Variants in MDGA2 observed in about 807,000 individuals in gnomAD.
The protein encoded by MDGA2 is MAM domain containing glycosylphosphatidylinositol anchor 2.
In MDGA2, 40 loss-of-function variants were observed where a neutral mutation model predicts 117.8. The observed-to-expected ratio is 0.34, with a 90% confidence interval of 0.26 to 0.44. The LOEUF (loss-of-function observed/expected upper bound fraction) is 0.44. Among genes scored for constraint, MDGA2 ranks in the 20% least tolerant of loss-of-function variants. The pLI is 1.00. For missense variants in MDGA2, 1,123 were observed against 1,250.6 expected (o/e 0.90, Z 1.54); for synonymous variants, 452 against 439.0 (o/e 1.03, Z -0.37).
At position 47,459,454 on chromosome 14, in the gene MDGA2, G is replaced by A. The variant is rs144643269; in HGVS notation, c.281-157904C>T. On this transcript the variant is annotated intron_variant, in intron 1 of 16. Coordinates refer to ENST00000399232, the MANE Select transcript of MDGA2 (RefSeq NM_001113498.3). ...TGAGAGATAGATTTTTCAATCAGTCGTCTTCCTTCCATCTTTTCCTTTCCC... is the reference window on the plus strand; with the variant it reads ...TGAGAGATAGATTTTTCAATCAGTCATCTTCCTTCCATCTTTTCCTTTCCC... Among the ~76,000 whole-genome samples the A allele has an allele frequency of 3.9e-3, 580 of 149,392 alleles. 5 individuals carry two copies. The highest frequency in any genetic ancestry group is 0.014 in the African/African-American group (555 of 40,588).
intron 5 of MDGA2, among the ~76,000 whole-genome samples, chr14:47,107,060 C>T (rs1182720407): frequency 7.7e-6 from 1 of 130,316 alleles, no homozygotes; most frequent in Non-Finnish European, 1.6e-5. Flanking sequence ...CCTCTTCTAT[C>T]CCCCCACCTT....
chr14:47,089,467 C>T (rs1419910549), intron 6 of MDGA2, among the ~76,000 whole-genome samples: 1 of 152,070 alleles, frequency 6.6e-6, no homozygotes, highest in African/African-American at 2.4e-5. Flanking sequence ...CCTCCACCTC[C>T]TGGGTTCAAG....
intron 6 of MDGA2, among the ~76,000 whole-genome samples, chr14:47,083,252 A>C (rs575007779): frequency 6.6e-6 from 1 of 152,146 alleles, no homozygotes; most frequent in East Asian, 1.9e-4. Context: ...CACAATAAAC[A>C]CACAAAAAAT....
chr14:47,196,513 C>T (rs1885293369), intron 3 of MDGA2, among the ~76,000 whole-genome samples: 1 of 152,124 alleles, frequency 6.6e-6, no homozygotes, highest in South Asian at 2.1e-4. Context: ...AACATCAGGT[C>T]TTACAAGCTA....
chr14:46,917,318 C>T (rs1239318375), intron 10 of MDGA2, among the ~76,000 whole-genome samples: 3 of 152,154 alleles, frequency 2.0e-5, no homozygotes, highest in Admixed American at 6.5e-5. Context: ...CTGTATACAA[C>T]ACTGACAGAT....
At chr14:47,073,707 C>G (rs1305540697) in intron 6 of MDGA2, among the ~76,000 whole-genome samples, 1 of 152,062 alleles carries the variant, frequency 6.6e-6, no homozygotes, top group East Asian at 1.9e-4. Flanking sequence ...CCTGAGAATT[C>G]GGGGATAAAA....
chr14:47,172,595 G>C (rs923281832), intron 3 of MDGA2, among the ~76,000 whole-genome samples: 45 of 152,308 alleles, frequency 3.0e-4, no homozygotes, highest in African/African-American at 9.9e-4. Flanking sequence ...GGTCCTGTCT[G>C]TTAGAAGGAA....
intron 5 of MDGA2, among the ~76,000 whole-genome samples, chr14:47,111,717 G>A (rs969087886): frequency 1.3e-5 from 2 of 152,128 alleles, no homozygotes; most frequent in Non-Finnish European, 2.9e-5. Context: ...CTTGAGGCAG[G>A]AAAATGGAGA....
intron 1 of MDGA2, among the ~76,000 whole-genome samples, chr14:47,432,795 T>C (rs1049077283): frequency 6.6e-6 from 1 of 152,174 alleles, no homozygotes; most frequent in African/African-American, 2.4e-5. Context: ...TTTTGGAAAC[T>C]CTAGTTTGAA....
chr14:47,535,998 A>G (rs1288307597), intron 1 of MDGA2, among the ~76,000 whole-genome samples: 1 of 152,212 alleles, frequency 6.6e-6, no homozygotes, highest in Non-Finnish European at 1.5e-5. Context: ...CTGAGCCCTC[A>G]TGGCAATGGC....
intron 1 of MDGA2, among the ~76,000 whole-genome samples, chr14:47,468,471 T>C (rs1231515052): frequency 6.6e-6 from 1 of 152,148 alleles, no homozygotes; most frequent in Non-Finnish European, 1.5e-5. Flanking sequence ...GTAGTCTTTG[T>C]TTCTGAAGCC....
At chr14:47,007,689 T>G (rs1468323850) in intron 8 of MDGA2, among the ~76,000 whole-genome samples, 1 of 151,736 alleles carries the variant, frequency 6.6e-6, no homozygotes, top group South Asian at 2.1e-4. Context: ...AGAAGATAGG[T>G]AGGAAAATTA....
chr14:47,264,881 T>C (rs1039091546), intron 2 of MDGA2, among the ~76,000 whole-genome samples: 9 of 152,084 alleles, frequency 5.9e-5, no homozygotes, highest in South Asian at 4.1e-4. Context: ...CAGGCCCCCA[T>C]GTGTGATGTT....
chr14:47,463,700 A>T (rs1287445719), intron 1 of MDGA2, among the ~76,000 whole-genome samples: 1 of 152,186 alleles, frequency 6.6e-6, no homozygotes, highest in Non-Finnish European at 1.5e-5. Context: ...TCATATACTT[A>T]GTATTATTAA....
intron 9 of MDGA2, among the ~76,000 whole-genome samples, chr14:46,950,982 C>T (rs962724850): frequency 1.3e-5 from 2 of 151,626 alleles, no homozygotes; most frequent in African/African-American, 4.8e-5. Context: ...TGCTATATTC[C>T]TTTAACATCT....
chr14:47,548,846 G>A (rs1302432677), intron 1 of MDGA2, among the ~76,000 whole-genome samples: 1 of 151,788 alleles, frequency 6.6e-6, no homozygotes, highest in African/African-American at 2.4e-5. Flanking sequence ...TCCTTAAATT[G>A]TCCTTTAAAG....
chr14:47,111,067 G>A (rs1012547412), intron 5 of MDGA2, among the ~76,000 whole-genome samples: 3 of 152,084 alleles, frequency 2.0e-5, no homozygotes, highest in Admixed American at 2.0e-4. Flanking sequence ...TTTGTAATTA[G>A]GAGACAATTA....
intron 9 of MDGA2, among the ~76,000 whole-genome samples, chr14:46,932,617 G>A (rs1195951908): frequency 1.3e-5 from 2 of 151,998 alleles, no homozygotes; most frequent in Non-Finnish European, 2.9e-5. Context: ...CCACGATGAT[G>A]CCCTCCAGGC....
Position 46,957,609 on chromosome 14 carries a change from G to A in MDGA2, c.1854C>T (p.Ile618=). 6.2e-7 allele frequency: 1 copy of A among 1,614,110 alleles called. No homozygotes were observed. The highest frequency in any genetic ancestry group is 8.5e-7 in the Non-Finnish European group (1 of 1,179,984). ...PPAVEPAFLE[I]RQGQDRSVTM... ...TGACACTTCGATCCTGTCCTTGCCG[G>A]ATTTCCAAGAATGCTGGTTCCACTG... Residue 618 remains isoleucine, a synonymous_variant, in exon 9 of 17, where the codon ATC becomes ATT. Transcript: ENST00000399232.
Sources: allele counts gnomAD v4.1 joint callset (sites outside exome capture counted in the v4.1 genomes callset), GRCh38; gene constraint gnomAD v4.1.1; transcripts MANE v1.5; gene names NCBI Gene and HGNC (gene_info 2026-07-23, HGNC 2026-07-21).